Variants in EIF3E observed in about 807,000 individuals in gnomAD.
The protein encoded by EIF3E is eukaryotic translation initiation factor 3 subunit E, also known as eIF-3 p48.
In EIF3E, 25 loss-of-function variants were observed where a neutral mutation model predicts 59.3. That is an observed-to-expected ratio of 0.42 (90% CI 0.31 to 0.59). The LOEUF is 0.59. EIF3E is among the 20% of genes least tolerant of loss of function. EIF3E has a pLI of 0.15. For missense variants in EIF3E, 317 were observed against 534.3 expected (o/e 0.59, Z 4.01); for synonymous variants, 176 against 170.2 (o/e 1.03, Z -0.26).
intron 3 of EIF3E, among the ~76,000 whole-genome samples, chr8:108,236,506 G>A (rs1442322480): frequency 6.6e-6 from 1 of 152,130 alleles, no homozygotes; most frequent in Non-Finnish European, 1.5e-5. Context: ...AGAAGATTCT[G>A]ACTATTTCTA....
At chr8:108,222,478 A>T (rs539115778) in intron 7 of EIF3E, among the ~76,000 whole-genome samples, 1 of 152,312 alleles carries the variant, frequency 6.6e-6, no homozygotes, top group East Asian at 1.9e-4. Flanking sequence ...AGAGGTGATT[A>T]TTTTGTTATC....
intron 10 of EIF3E, 145 bp downstream of exon 10, chr8:108,214,462 T>C (rs1231289389): frequency 1.5e-6 from 1 of 684,706 alleles, no homozygotes; most frequent in Non-Finnish European, 2.3e-6. Flanking sequence ...TAAATAATTT[T>C]ATCAAATTGT....
chr8:108,239,415 T>C (rs1166104497), intron 3 of EIF3E, among the ~76,000 whole-genome samples: 2 of 152,194 alleles, frequency 1.3e-5, no homozygotes, highest in East Asian at 3.9e-4. Flanking sequence ...TTGCCCAGGC[T>C]GGTCTCAAAC....
chr8:108,210,965 ATG>A (rs1815198340), intron 10 of EIF3E, among the ~76,000 whole-genome samples: 1 of 152,142 alleles, frequency 6.6e-6, no homozygotes, highest in Non-Finnish European at 1.5e-5. Flanking sequence ...CATGGTGTAT[ATG>A]TGTCACATTT....
intron 10 of EIF3E, among the ~76,000 whole-genome samples, chr8:108,208,026 T>C (rs543447398): frequency 6.6e-6 from 1 of 152,256 alleles, no homozygotes; most frequent in South Asian, 2.1e-4. Flanking sequence ...TAAGTCTTAA[T>C]TTAGGGAACT....
intron 7 of EIF3E, 51 bp downstream of exon 7, chr8:108,228,216 C>T (rs762396551): frequency 5.4e-6 from 8 of 1,484,854 alleles, no homozygotes; most frequent in Non-Finnish European, 7.2e-6. Context: ...TTAAACAACT[C>T]CATGTAATTT....
intron 7 of EIF3E, among the ~76,000 whole-genome samples, chr8:108,225,499 G>T (rs1815501172): frequency 6.6e-6 from 1 of 151,428 alleles, no homozygotes; most frequent in Non-Finnish European, 1.5e-5. Context: ...TCCATTCCAA[G>T]TGCAAGATAG....
chr8:108,244,821 A>T (rs1449934121), intron 1 of EIF3E, among the ~76,000 whole-genome samples: 1 of 152,028 alleles, frequency 6.6e-6, no homozygotes, highest in East Asian at 1.9e-4. Flanking sequence ...AAAGTCACCT[A>T]TTCTCTAGGT....
intron 10 of EIF3E, among the ~76,000 whole-genome samples, chr8:108,207,848 T>C (rs572140912): frequency 7.9e-5 from 12 of 152,310 alleles, no homozygotes; most frequent in Non-Finnish European, 7.4e-5. Flanking sequence ...TAATTAAACA[T>C]GTTCATGCTT....
intron 7 of EIF3E, chr8:108,226,434 G>A (rs1815518500): frequency 6.6e-6 from 1 of 152,272 alleles, no homozygotes; most frequent in Admixed American, 6.6e-5. Context: ...GACCTCAGGT[G>A]ATCCACCCAC....
chr8:108,228,119 T>A, intron 7 of EIF3E, 148 bp downstream of exon 7: 2 of 859,358 alleles, frequency 2.3e-6, no homozygotes, highest in South Asian at 4.6e-5. Context: ...CATGCATACT[T>A]TTCAGTAACA....
At chr8:108,232,761 C>A (rs896940443) in intron 5 of EIF3E, among the ~76,000 whole-genome samples, 2 of 152,156 alleles carry the variant, frequency 1.3e-5, no homozygotes, top group Non-Finnish European at 2.9e-5. Flanking sequence ...TCATACTAAC[C>A]TGCTTTCAAG....
chr8:108,213,248 CTTA>C (rs1188480934), intron 10 of EIF3E, among the ~76,000 whole-genome samples: 28 of 152,144 alleles, frequency 1.8e-4, no homozygotes, highest in Non-Finnish European at 3.8e-4. Flanking sequence ...TACAACAAAT[CTTA>C]TTGATAGTAC....
At chr8:108,234,370 T>A (rs1361512296) in intron 5 of EIF3E, 1 of 152,210 alleles carries the variant, frequency 6.6e-6, no homozygotes, top group African/African-American at 2.4e-5. Flanking sequence ...ACAACTCTCC[T>A]TCTCTAACAA....
At chr8:108,229,952 A>G (rs1815590867) in intron 5 of EIF3E, among the ~76,000 whole-genome samples, 1 of 152,148 alleles carries the variant, frequency 6.6e-6, no homozygotes, top group South Asian at 2.1e-4. Context: ...CTGGTAAAAG[A>G]GTCACAAACT....
chr8:108,239,852 T>C (rs1364168150), intron 3 of EIF3E, 106 bp downstream of exon 3: 3 of 898,670 alleles, frequency 3.3e-6, no homozygotes, highest in East Asian at 2.4e-5. Flanking sequence ...AAAGCACTCA[T>C]TTAAACCATG....
At chr8:108,229,792 T>G (rs1815587441) in intron 5 of EIF3E, among the ~76,000 whole-genome samples, 1 of 152,134 alleles carries the variant, frequency 6.6e-6, no homozygotes, top group South Asian at 2.1e-4. Context: ...ACCCTATATT[T>G]TTTTATCCCC....
intron 3 of EIF3E, among the ~76,000 whole-genome samples, chr8:108,238,482 TCA>T (rs1815776508): frequency 6.6e-6 from 1 of 152,236 alleles, no homozygotes; most frequent in African/African-American, 2.4e-5. Context: ...AATGTAAATA[TCA>T]TATAGTTGTT....
chr8:108,211,407 A>C lies in EIF3E; in HGVS notation c.1061+3200T>G, dbSNP rs532124212. ...GCATAAATGTCTTCTTTTCAGAAGT[A>C]TCTGTTCATATCCTTTGCCCACTTT... On this transcript the variant is annotated intron_variant, in intron 10 of 12. Transcript: ENST00000220849. Among the ~76,000 whole-genome samples the C allele has an allele frequency of 1.4e-4, 21 of 151,884 alleles. No homozygotes were observed. In the East Asian group the frequency reaches 3.9e-3, roughly 28 times the overall value.
Sources: allele counts gnomAD v4.1 joint callset (sites outside exome capture counted in the v4.1 genomes callset), GRCh38; gene constraint gnomAD v4.1.1; transcripts MANE v1.5; gene names NCBI Gene and HGNC (gene_info 2026-07-23, HGNC 2026-07-21).